Variants in MPDZ observed in about 807,000 individuals in gnomAD.
MPDZ encodes the protein multiple PDZ domain protein.
A neutral mutation model predicts 239.1 loss-of-function variants in MPDZ; 234 were observed. The observed-to-expected ratio is 0.98, with a 90% CI of 0.88 to 1.09. The LOEUF is 1.09. Among genes scored for constraint, MPDZ ranks in the 50% least tolerant of loss-of-function variants. The pLI, the probability that MPDZ is intolerant of heterozygous loss-of-function variation, is 0.00. For missense variants in MPDZ, 3,175 were observed against 2,510.0 expected (o/e 1.26, Z -5.66); for synonymous variants, 1,048 against 881.3 (o/e 1.19, Z -3.35).
rs1587602955 is a variant in MPDZ, at chr9:13,183,504, T to G, written c.2563A>C (p.Thr855Pro). 6.2e-7 allele frequency: 1 copy of G among 1,612,410 alleles called. No individual in the cohort carries two copies. The highest frequency in any genetic ancestry group is 2.2e-5 in the East Asian group (1 of 44,702). The change falls in exon 19 of 47, where the codon ACT (threonine) becomes CCT (proline). Residue 855 changes from threonine (T) to proline (P), a missense_variant. Coordinates refer to ENST00000319217, the MANE Select transcript of MPDZ (RefSeq NM_001378778.1). ...TGAAGAGATAAAATAGAGGCTTGAG[T>G]AGAGTAGATGCTGTCATTTTCAGGA... ...YSPENDSIYS[T>P]QASILSLHGS...
chr9:13,210,235 T>G (rs1320566909), intron 10 of MPDZ, among the ~76,000 whole-genome samples: 1 of 152,052 alleles, frequency 6.6e-6, no homozygotes, highest in Non-Finnish European at 1.5e-5. Context: ...TTATACTTAG[T>G]GTGATGTATG....
At chr9:13,114,887 G>A (rs947577308) in intron 40 of MPDZ, among the ~76,000 whole-genome samples, 57 of 151,882 alleles carry the variant, frequency 3.8e-4, no homozygotes, top group African/African-American at 1.3e-3. Context: ...GTGACAGAGC[G>A]AGACTCTGTC....
At chr9:13,160,307 A>G (rs1345841394) in intron 23 of MPDZ, among the ~76,000 whole-genome samples, 2 of 152,152 alleles carry the variant, frequency 1.3e-5, no homozygotes, top group African/African-American at 4.8e-5. Context: ...TTGTTCCACC[A>G]AAAATGCATA....
rs1266618496 is a variant in MPDZ, at chr9:13,216,795, T to G, written c.1269A>C (p.Gln423His). Residue 423 changes from glutamine to histidine, a missense_variant, in exon 10 of 47, where the codon CAA becomes CAC. Transcript: ENST00000319217. ...TTACTGCTATAATTTGGTCTCCAAT[T>G]TGGATTCTTCCATCATGCTCAACGG... is the stretch of plus-strand genomic sequence containing the variant. ...SSAVEHDGRIQIGDQIIAVDG... is the reference protein window; with the variant it reads ...SSAVEHDGRIHIGDQIIAVDG... 1 of 1,609,348 alleles carries G rather than the reference T, an allele frequency of 6.2e-7. No homozygotes were observed. The highest frequency in any genetic ancestry group is 1.3e-5 in the African/African-American group (1 of 74,712).
intron 40 of MPDZ, among the ~76,000 whole-genome samples, 199 bp from the exon 41 acceptor site, chr9:13,114,220 T>C (rs2131266973): frequency 6.6e-6 from 1 of 152,302 alleles, no homozygotes; most frequent in Admixed American, 6.5e-5. Flanking sequence ...ATAAATAAAT[T>C]GAAGCTAAAA....
At chr9:13,196,944 A>G (rs979142055) in intron 12 of MPDZ, among the ~76,000 whole-genome samples, 8 of 151,938 alleles carry the variant, frequency 5.3e-5, no homozygotes, top group African/African-American at 1.9e-4. Context: ...TAAAATCTCT[A>G]TTAGGCACTA....
At chr9:13,253,107 G>C (rs1968533722) in intron 1 of MPDZ, among the ~76,000 whole-genome samples, 1 of 151,904 alleles carries the variant, frequency 6.6e-6, no homozygotes, top group Admixed American at 6.6e-5. Context: ...AGTCTGCAGA[G>C]AAAGTACAGC....
chr9:13,174,365 TG>T (rs1952185721), intron 21 of MPDZ, among the ~76,000 whole-genome samples: 1 of 152,178 alleles, frequency 6.6e-6, no homozygotes, highest in South Asian at 2.1e-4. Context: ...AATAAATGTT[TG>T]CTAGTTGAGT....
intron 21 of MPDZ, among the ~76,000 whole-genome samples, chr9:13,169,396 A>C (rs1951498715): frequency 6.6e-6 from 1 of 152,086 alleles, no homozygotes; most frequent in South Asian, 2.1e-4. Context: ...CATTATTCAA[A>C]GTAGAAATAC....
chr9:13,213,626 G>A (rs1171556456), intron 10 of MPDZ, among the ~76,000 whole-genome samples: 2 of 152,052 alleles, frequency 1.3e-5, no homozygotes, highest in Non-Finnish European at 2.9e-5. Flanking sequence ...TTATATCTTT[G>A]TAGTAAAAGA....
intron 28 of MPDZ, 144 bp downstream of exon 28, chr9:13,139,843 A>C: frequency 1.0e-6 from 1 of 987,780 alleles, no homozygotes; most frequent in Non-Finnish European, 1.6e-6. Flanking sequence ...TTCAAGCAAA[A>C]CAAACACTAT....
chr9:13,136,516 C>T (rs920490502), intron 30 of MPDZ, among the ~76,000 whole-genome samples, 196 bp downstream of exon 30: 7 of 151,060 alleles, frequency 4.6e-5, no homozygotes, highest in Admixed American at 6.6e-5. Flanking sequence ...TTAGTAGAGA[C>T]GGGATTTCAC....
chr9:13,169,065 A>G (rs1423755318), intron 21 of MPDZ, among the ~76,000 whole-genome samples: 1 of 152,286 alleles, frequency 6.6e-6, no homozygotes, highest in East Asian at 1.9e-4. Flanking sequence ...TTGGTTGCTT[A>G]GGATAACAGC....
intron 24 of MPDZ, among the ~76,000 whole-genome samples, chr9:13,154,343 G>A (rs1949561876): frequency 6.6e-6 from 1 of 152,036 alleles, no homozygotes; most frequent in Non-Finnish European, 1.5e-5. Context: ...GAAAAAAAAG[G>A]CAGCCTATTT....
At chr9:13,147,804 C>G in intron 25 of MPDZ, 146 bp from the exon 26 acceptor site, 2 of 617,644 alleles carry the variant, frequency 3.2e-6, no homozygotes, top group South Asian at 4.1e-5. Flanking sequence ...TGTGAAGCTG[C>G]AGAACTTTCT....
At chr9:13,131,606 T>C (rs758104956) in intron 32 of MPDZ, among the ~76,000 whole-genome samples, 68 of 152,226 alleles carry the variant, frequency 4.5e-4, no homozygotes, top group Middle Eastern at 3.4e-3. Context: ...ATAAAGATGT[T>C]TACCTAACCT....
chr9:13,206,362 T>C (rs997178842), intron 10 of MPDZ, among the ~76,000 whole-genome samples: 2 of 152,012 alleles, frequency 1.3e-5, no homozygotes, highest in Non-Finnish European at 2.9e-5. Flanking sequence ...TCACTAGTTC[T>C]AGGGTAGGAC....
intron 1 of MPDZ, among the ~76,000 whole-genome samples, chr9:13,275,190 G>A (rs1275734428): frequency 6.6e-6 from 1 of 152,192 alleles, no homozygotes; most frequent in East Asian, 1.9e-4. Context: ...GAGCTAAACT[G>A]TGTCTCCTAA....
chr9:13,171,649 G>A (rs982923989), intron 21 of MPDZ, among the ~76,000 whole-genome samples: 12 of 152,090 alleles, frequency 7.9e-5, no homozygotes, highest in Admixed American at 1.3e-4. Context: ...CTATATGCAC[G>A]TGTATATTTA....
Sources: gnomAD v4.1 joint callset for allele counts (sites outside exome capture counted in the v4.1 genomes callset) on GRCh38, gnomAD v4.1.1 for gene constraint, MANE v1.5 for transcripts, NCBI Gene and HGNC (gene_info 2026-07-23, HGNC 2026-07-21) for gene names.